GDF1: variants seen among roughly 807,000 people sequenced by gnomAD.
The protein encoded by GDF1 is growth differentiation factor 1.
A neutral mutation model predicts 7.4 loss-of-function variants in GDF1; 8 were observed. That is an observed-to-expected ratio of 1.09 (90% CI 0.64 to 1.96). The LOEUF is 1.96. Among genes scored for constraint, GDF1 ranks in the 30% most tolerant of loss-of-function variants. The probability of loss-of-function intolerance (pLI) is 0.00; values close to 1 mark genes in which losing one functional copy is unlikely to be tolerated. For missense variants in GDF1, 574 were observed against 551.5 expected, an observed-to-expected ratio of 1.04 and a Z score of -0.41; for synonymous variants, 311 against 276.7, an observed-to-expected ratio of 1.12 and a Z score of -1.23.
intron 1 of GDF1, among the ~76,000 whole-genome samples, chr19:18,894,695 C>T (rs2056582867): frequency 6.6e-6 from 1 of 152,240 alleles, no homozygotes; most frequent in South Asian, 2.1e-4. Flanking sequence ...CCTGGACAGC[C>T]CTGTCTCCCC....
chr19:18,878,484 GC>G lies in GDF1; in HGVS notation c.-313+445del. ...CAAACTCAGAGGCCAGGATGTCTCG[GC>G]CCAGATGGAGCCTGGGTTCTCTCTG... On this transcript the variant is annotated intron_variant, in intron 6 of 7. Coordinates refer to ENST00000247005, the MANE Select transcript of GDF1 (RefSeq NM_001492.6). This position sits in a 1 kb window ranked among gnomAD's most constrained non-coding sequence, Gnocchi z 4.6. 1.0e-6 allele frequency: 1 copy of G among 996,264 alleles called. No individual in the cohort carries two copies. Among genetic ancestry groups the G allele is most frequent in the Non-Finnish European group, 1.2e-6 (1 of 835,986 alleles). The allele number at this position is 996,264 out of a possible 1,614,324, so 61.7% of individuals were successfully genotyped here.
rs760148555 is a variant in GDF1 at position 18,884,143 on chromosome 19, GACC to G, written c.-792_-790del. ...GAGTGACCACGTGGTGGAGCAGCAT[GACC>G]ACCGAGTCCTTGCGCCAGGTGTCCA... On this transcript the variant is annotated 5_prime_UTR_variant, in exon 3 of 8. Transcript: ENST00000247005. 6.2e-7 allele frequency: 1 copy of G among 1,613,766 alleles called. No individual in the cohort carries two copies. Among genetic ancestry groups the G allele is most frequent in the Non-Finnish European group, 8.5e-7 (1 of 1,179,852 alleles).
intron 6 of GDF1, among the ~76,000 whole-genome samples, chr19:18,876,088 G>T (rs569865114): frequency 3.1e-4 from 47 of 152,254 alleles, no homozygotes; most frequent in African/African-American, 1.0e-3. Flanking sequence ...GAGTTCAAGC[G>T]ATTCTCCTGC....
In GDF1 at chr19:18,878,152, C is replaced by G; in HGVS notation, c.-313+778G>C. On this transcript the variant is annotated intron_variant, in intron 6 of 7. Coordinates refer to ENST00000247005, the MANE Select transcript of GDF1 (RefSeq NM_001492.6). The surrounding 1 kb of genome is among the most constrained non-coding windows in gnomAD (Gnocchi z 4.6). ...GGCCCCCACCGGCCAAATCAGAGGGCCTGGCTGGTCGGCACCTTCCAGGGC... is the reference window on the plus strand; with the variant it reads ...GGCCCCCACCGGCCAAATCAGAGGGGCTGGCTGGTCGGCACCTTCCAGGGC... The G allele has an allele frequency of 5.1e-6, 5 of 985,558 alleles. No individual in the cohort carries two copies. The highest frequency in any genetic ancestry group is 6.0e-6 in the Non-Finnish European group (5 of 830,046). The allele number at this position is 985,558 out of a possible 1,614,324, so 61.1% of individuals were successfully genotyped here.
rs368419216 is a variant in GDF1, at chr19:18,879,202, C to T, written c.-423+39G>A. 258 of 1,611,162 alleles carry T rather than the reference C, an allele frequency of 1.6e-4. 4 individuals carry two copies. The South Asian group carries it at 2.3e-3, about 14-fold the overall frequency. ...GAGGGGACAGGGATTGGGACGAGGA[C>T]GGGACCGCCACTGTGGAGGAGAGCC... On this transcript the variant is annotated intron_variant, in intron 5 of 7. Coordinates refer to ENST00000247005, the MANE Select transcript of GDF1 (RefSeq NM_001492.6).
In GDF1 at chr19:18,868,571, G is replaced by A; in HGVS notation, c.*26C>T. 6.6e-7 allele frequency: 1 copy of A among 1,509,264 alleles called. No individual in the cohort carries two copies. The highest frequency in any genetic ancestry group is 9.0e-7 in the Non-Finnish European group (1 of 1,110,380). 93.5% of individuals were successfully genotyped at this position (1,509,264 alleles called of 1,614,324 possible). A position where few individuals can be genotyped will look rare whatever the true frequency, so the allele number is the denominator to read the frequency against. ...AGCAGACCACGCGGCATTTATTGTT[G>A]GGCCCGCGTCCCTGCCCGCCCCGGG... On this transcript the variant is annotated 3_prime_UTR_variant, in exon 8 of 8. Coordinates refer to ENST00000247005, the MANE Select transcript of GDF1 (RefSeq NM_001492.6).
In GDF1 at chr19:18,868,768, G is replaced by A. The variant is rs1242477025; in HGVS notation, c.948C>T (p.Asn316=). The change falls in exon 8 of 8, where the codon AAC becomes AAT. Residue 316 remains asparagine (N), a synonymous_variant. Coordinates refer to ENST00000247005, the MANE Select transcript of GDF1 (RefSeq NM_001492.6). Reference sequence around the variant, plus strand: ...GCATGAGCGCGCGCAGCACAGCGTGGTTGAGCGCCGGCGGCCCCCCGGACC... The same window carrying A: ...GCATGAGCGCGCGCAGCACAGCGTGATTGAGCGCCGGCGGCCCCCCGGACC... ...LSGSGGPPAL[N]HAVLRALMHA... is the part of the protein sequence containing the mutation. The A allele has an allele frequency of 2.7e-6, 4 of 1,478,792 alleles. No individual in the cohort carries two copies. The highest frequency in any genetic ancestry group is 1.5e-5 in the African/African-American group (1 of 67,646). 91.6% of individuals were successfully genotyped at this position (1,478,792 alleles called of 1,614,324 possible). A position where few individuals can be genotyped will look rare whatever the true frequency, so the allele number is the denominator to read the frequency against.
chr19:18,878,761 T>C lies in GDF1; in HGVS notation c.-313+169A>G, dbSNP rs979251926. On this transcript the variant is annotated intron_variant, in intron 6 of 7. Coordinates refer to ENST00000247005, the MANE Select transcript of GDF1 (RefSeq NM_001492.6). The surrounding 1 kb of genome is among the most constrained non-coding windows in gnomAD (Gnocchi z 4.6). The stretch of plus-strand genomic sequence containing the variant: ...CTCACTGTCCTGTCCTTCAGGGTAC[T>C]GGCCACATCGTCCACGCCTTTATTG... 8.4e-6 allele frequency: 12 copies of C among 1,435,688 alleles called. No homozygotes were observed. Among genetic ancestry groups the C allele is most frequent in the Non-Finnish European group, 1.0e-5 (11 of 1,093,464 alleles). 88.9% of individuals were successfully genotyped at this position (1,435,688 alleles called of 1,614,324 possible). A position where few individuals can be genotyped will look rare whatever the true frequency, so the allele number is the denominator to read the frequency against.
rs999768928 is a variant in GDF1, at chr19:18,895,079, C to T, written c.-1074+745G>A. On this transcript the variant is annotated intron_variant, in intron 1 of 7. Transcript: ENST00000247005. The surrounding 1 kb of genome is among the most constrained non-coding windows in gnomAD (Gnocchi z 6.4). The stretch of plus-strand genomic sequence containing the variant: ...CGCAGAAACTGGGGAATTCTGCTGT[C>T]GCCTCTTGGAGGCAGCACAGTCCAA... Among the ~76,000 whole-genome samples the T allele has an allele frequency of 1.3e-5, 2 of 152,260 alleles. No homozygotes were observed. Among genetic ancestry groups the T allele is most frequent in the African/African-American group, 2.4e-5 (1 of 41,466 alleles).
chr19:18,869,861 G>A (rs1250951147), intron 7 of GDF1, 122 bp downstream of exon 7: 29 of 951,304 alleles, frequency 3.0e-5, no homozygotes, highest in Non-Finnish European at 4.4e-5. Context: ...GAAGTTGCTA[G>A]TAGCCTGGAC....
Position 18,878,513 on chromosome 19 carries a change from G to A in GDF1, c.-313+417C>T. ...AGATGGAGCCTGGGTTCTCTCTGTGGCCCTTGGCGTTCCTTCCTCCCCAGC... is the reference window on the plus strand; with the variant it reads ...AGATGGAGCCTGGGTTCTCTCTGTGACCCTTGGCGTTCCTTCCTCCCCAGC... On this transcript the variant is annotated intron_variant, in intron 6 of 7. Coordinates refer to ENST00000247005, the MANE Select transcript of GDF1 (RefSeq NM_001492.6). This position sits in a 1 kb window ranked among gnomAD's most constrained non-coding sequence, Gnocchi z 4.6. 4.9e-6 allele frequency: 5 copies of A among 1,016,248 alleles called. No homozygotes were observed. The highest frequency in any genetic ancestry group is 5.9e-6 in the Non-Finnish European group (5 of 847,428). 63.0% of individuals were successfully genotyped at this position (1,016,248 alleles called of 1,614,324 possible). A position where few individuals can be genotyped will look rare whatever the true frequency, so the allele number is the denominator to read the frequency against.
intron 2 of GDF1, among the ~76,000 whole-genome samples, chr19:18,885,644 C>G (rs1256842722): frequency 6.6e-6 from 1 of 151,148 alleles, no homozygotes; most frequent in East Asian, 1.9e-4. Flanking sequence ...CTCAGCATGC[C>G]AAGTAGCTGG....
chr19:18,881,908 C>G (rs1378029698), intron 3 of GDF1: 1 of 152,276 alleles, frequency 6.6e-6, no homozygotes, highest in African/African-American at 2.4e-5. Flanking sequence ...CTCCCGGGTT[C>G]AAGCGATTCT....
rs571844449 is a variant in GDF1 at position 18,889,865 on chromosome 19, C to T, written c.-914+3551G>A. Among the ~76,000 whole-genome samples, 7 of 152,314 alleles carry T rather than the reference C, an allele frequency of 4.6e-5. No individual in the cohort carries two copies. In the East Asian group the frequency reaches 1.4e-3, roughly 29 times the overall value. On this transcript the variant is annotated intron_variant, in intron 2 of 7. Coordinates refer to ENST00000247005, the MANE Select transcript of GDF1 (RefSeq NM_001492.6). The stretch of plus-strand genomic sequence containing the variant: ...TCTCACAAGACCCTAGCATCATCCT[C>T]ACCCTCTTCCTTTCACACCACCTCT...
intron 1 of GDF1, among the ~76,000 whole-genome samples, chr19:18,894,682 G>A (rs1022610231): frequency 6.6e-6 from 1 of 152,108 alleles, no homozygotes; most frequent in Non-Finnish European, 1.5e-5. Context: ...CCCAGGGAGG[G>A]GCCCTGGACA....
chr19:18,879,559 C>T (rs1468201288), intron 4 of GDF1, among the ~76,000 whole-genome samples, 171 bp from the exon 5 acceptor site: 1 of 151,266 alleles, frequency 6.6e-6, no homozygotes, highest in Admixed American at 6.6e-5. Flanking sequence ...ATGCCCCGCC[C>T]ACCTCGCCAA....
chr19:18,872,091 T>G (rs781749097), intron 6 of GDF1, among the ~76,000 whole-genome samples: 1 of 152,220 alleles, frequency 6.6e-6, no homozygotes, highest in Non-Finnish European at 1.5e-5. Flanking sequence ...TTTTAAGGTC[T>G]TAGGTTAGTT....
intron 6 of GDF1, among the ~76,000 whole-genome samples, chr19:18,876,665 G>C (rs770201427): frequency 6.6e-6 from 1 of 152,008 alleles, no homozygotes; most frequent in Non-Finnish European, 1.5e-5. Flanking sequence ...GATTACAGAC[G>C]TGAGCCACCA....
At position 18,895,936 on chromosome 19, in the gene GDF1, C is replaced by T; in HGVS notation, c.-1186G>A. The T allele has an allele frequency of 8.4e-7, 1 of 1,185,322 alleles. No individual in the cohort carries two copies. The highest frequency in any genetic ancestry group is 1.0e-6 in the Non-Finnish European group (1 of 957,188). 73.4% of individuals were successfully genotyped at this position (1,185,322 alleles called of 1,614,324 possible). A position where few individuals can be genotyped will look rare whatever the true frequency, so the allele number is the denominator to read the frequency against. ...GTGCGCGTGCTCAGCCAGGCCGCGA[C>T]GCGCCAGCCCCCAGCCGCAGTCCGT... On this transcript the variant is annotated 5_prime_UTR_variant, in exon 1 of 8. Coordinates refer to ENST00000247005, the MANE Select transcript of GDF1 (RefSeq NM_001492.6). The surrounding 1 kb of genome is among the most constrained non-coding windows in gnomAD (Gnocchi z 6.4).
Sources: allele counts gnomAD v4.1 joint callset (sites outside exome capture counted in the v4.1 genomes callset), GRCh38; gene constraint gnomAD v4.1.1; non-coding constraint Gnocchi (gnomAD v3.1); transcripts MANE v1.5; gene names NCBI Gene and HGNC (gene_info 2026-07-23, HGNC 2026-07-21).